Variants in IARS2 observed in about 807,000 individuals in gnomAD.
The protein encoded by IARS2 is isoleucine--tRNA ligase, mitochondrial.
IARS2 carries 56 observed loss-of-function variants against 126.3 expected under a neutral mutation model. That is an observed-to-expected ratio of 0.44 (90% CI 0.36 to 0.55). IARS2 has a LOEUF of 0.55. Among genes scored for constraint, IARS2 ranks in the 20% least tolerant of loss-of-function variants. The probability of loss-of-function intolerance (pLI) is 0.00; values close to 1 mark genes in which losing one functional copy is unlikely to be tolerated. For missense variants in IARS2, 1,127 were observed against 1,245.9 expected (o/e 0.90, Z 1.44); for synonymous variants, 407 against 441.1 (o/e 0.92, Z 0.97).
chr1:220,103,761 T>C (rs950596665), intron 8 of IARS2, among the ~76,000 whole-genome samples, 199 bp downstream of exon 8: 2 of 152,232 alleles, frequency 1.3e-5, no homozygotes, highest in African/African-American at 4.8e-5. Context: ...TATTGATAAA[T>C]GTACAACAGG....
chr1:220,101,069 T>C (rs965755472), intron 3 of IARS2, among the ~76,000 whole-genome samples: 1 of 152,178 alleles, frequency 6.6e-6, no homozygotes, highest in African/African-American at 2.4e-5. Flanking sequence ...GGATTCTCTT[T>C]TTCTTATATG....
chr1:220,110,528 G>A (rs1656778698), intron 10 of IARS2, among the ~76,000 whole-genome samples: 1 of 152,074 alleles, frequency 6.6e-6, no homozygotes, highest in Non-Finnish European at 1.5e-5. Context: ...ACCATGCCCG[G>A]CTGATTTTTG....
chr1:220,103,931 T>C (rs1483280215), intron 8 of IARS2, among the ~76,000 whole-genome samples: 1 of 152,256 alleles, frequency 6.6e-6, no homozygotes, highest in Non-Finnish European at 1.5e-5. Context: ...GAATAAGTTC[T>C]GAAAATTATT....
chr1:220,101,935 A>G (rs1399442085), intron 3 of IARS2, among the ~76,000 whole-genome samples, 194 bp from the exon 4 acceptor site: 1 of 152,158 alleles, frequency 6.6e-6, no homozygotes, highest in Admixed American at 6.6e-5. Context: ...CGGGAGGCAG[A>G]GGCTTGCAGT....
intron 10 of IARS2, among the ~76,000 whole-genome samples, chr1:220,108,237 T>C (rs1246021344): frequency 2.0e-5 from 3 of 151,918 alleles, no homozygotes; most frequent in Non-Finnish European, 4.4e-5. Context: ...AATTTTTGTA[T>C]TTTTAGTAGA....
rs200234111 is a variant in IARS2 at position 220,145,210 on chromosome 1, T to TA, written c.2752-297dup. On this transcript the variant is annotated intron_variant, in intron 21 of 22. Transcript: ENST00000366922. ...TGTTTCTTCATTTGTAAAGTGAGGATAATAAACACCATATAGGTTTTTTTT... is the reference window on the plus strand; with the variant it reads ...TGTTTCTTCATTTGTAAAGTGAGGATAAATAAACACCATATAGGTTTTTTTT... Among the ~76,000 whole-genome samples the TA allele has an allele frequency of 3.7e-4, 57 of 152,336 alleles. No individual in the cohort carries two copies. The East Asian group carries it at 0.011, about 28-fold the overall frequency.
chr1:220,134,336 C>A (rs1657325553), intron 14 of IARS2, 66 bp from the exon 15 acceptor site: 2 of 1,115,084 alleles, frequency 1.8e-6, no homozygotes, highest in African/African-American at 1.6e-5. Context: ...TAATAAGTAT[C>A]TTCTTTTTCT....
intron 2 of IARS2, among the ~76,000 whole-genome samples, chr1:220,098,305 C>T (rs1656491423): frequency 6.6e-6 from 1 of 152,204 alleles, no homozygotes; most frequent in Non-Finnish European, 1.5e-5. Flanking sequence ...CTTCCTCACA[C>T]ATGCTAATTA....
chr1:220,096,520 C>T lies in IARS2; in HGVS notation c.390+294C>T, dbSNP rs752010447. 5.9e-5 allele frequency among the ~76,000 whole-genome samples: 9 copies of T among 152,108 alleles called. 1 individual carries two copies. The highest frequency in any genetic ancestry group is 3.9e-4 in the Admixed American group (6 of 15,266). ...GGACAAAAAAAAGGTATGTCTTGGC[C>T]GGGCAGTATGGCTCATGCCTGTAAT... On this transcript the variant is annotated intron_variant, in intron 2 of 22. Transcript: ENST00000366922.
At chr1:220,095,621 T>C (rs944394973) in intron 1 of IARS2, among the ~76,000 whole-genome samples, 1 of 152,078 alleles carries the variant, frequency 6.6e-6, no homozygotes, top group African/African-American at 2.4e-5. Context: ...GGCCCGTAAG[T>C]GCACAGTAAC....
At chr1:220,129,686 T>G (rs1657220900) in intron 14 of IARS2, among the ~76,000 whole-genome samples, 1 of 152,216 alleles carries the variant, frequency 6.6e-6, no homozygotes, top group African/African-American at 2.4e-5. Context: ...TGACAGAATT[T>G]CATTCTTTTT....
At chr1:220,100,978 C>T (rs575215935) in intron 3 of IARS2, among the ~76,000 whole-genome samples, 1 of 152,108 alleles carries the variant, frequency 6.6e-6, no homozygotes, top group Non-Finnish European at 1.5e-5. Flanking sequence ...AGGTGTTAAG[C>T]CAAAATTCAA....
intron 8 of IARS2, among the ~76,000 whole-genome samples, chr1:220,105,504 A>T (rs1434523611): frequency 6.6e-6 from 1 of 152,158 alleles, no homozygotes; most frequent in African/African-American, 2.4e-5. Flanking sequence ...AAGTAGTAGG[A>T]ATGTTGAAGA....
intron 12 of IARS2, chr1:220,117,924 A>G (rs1656961045): frequency 1.9e-6 from 1 of 519,710 alleles, no homozygotes; most frequent in Non-Finnish European, 4.0e-6. Flanking sequence ...TTGTCTGTCA[A>G]TTCATAGGTC....
At chr1:220,140,642 G>A (rs1445634389) in intron 19 of IARS2, among the ~76,000 whole-genome samples, 1 of 151,606 alleles carries the variant, frequency 6.6e-6, no homozygotes, top group Non-Finnish European at 1.5e-5. Flanking sequence ...TTTGGCAACC[G>A]TCAGGGATAC....
rs1656670324 is a variant in IARS2, at chr1:220,105,934, TG to T, written c.1111del (p.Asp371IlefsTer12). ...NGTCSHPLIP[D>X]KASPLLPANH... The stretch of plus-strand genomic sequence containing the variant: ...GTACTTGCAGTCATCCATTAATTCC[TG>T]ATAAAGCCTCTCCTCTTTTACCTGC... On this transcript the variant is annotated frameshift_variant, in exon 9 of 23. Coordinates refer to ENST00000366922, the MANE Select transcript of IARS2 (RefSeq NM_018060.4). LOFTEE classifies it high-confidence loss of function. 6.2e-7 allele frequency: 1 copy of T among 1,614,050 alleles called. No individual in the cohort carries two copies. The highest frequency in any genetic ancestry group is 1.1e-5 in the South Asian group (1 of 91,088).
In IARS2 at chr1:220,100,506, C is replaced by T; in HGVS notation, c.407C>T (p.Ala136Val). Residue 136 changes from alanine (A) to valine (V), a missense_variant, in exon 3 of 23, where the codon GCC (alanine) becomes GTC (valine). Ala to Val is a moderately conservative substitution (Grantham distance 64, BLOSUM62 0). Transcript: ENST00000366922. ...HALNKILKDI[A>V]NRFHMMNGSK... is the part of the protein sequence containing the mutation. ...TCTTTGCAGATTTTGAAAGACATAG[C>T]CAATCGATTCCATATGATGAATGGC... 1 of 1,607,780 alleles carries T rather than the reference C, an allele frequency of 6.2e-7. No homozygotes were observed. Among genetic ancestry groups the T allele is most frequent in the Non-Finnish European group, 8.5e-7 (1 of 1,177,088 alleles).
intron 12 of IARS2, among the ~76,000 whole-genome samples, chr1:220,123,043 G>T (rs557025993): frequency 1.3e-4 from 19 of 150,578 alleles, no homozygotes; most frequent in African/African-American, 4.4e-4. Flanking sequence ...ATGTGTCCAT[G>T]TAAATGTACT....
chr1:220,120,082 C>CTT (rs1395868643), intron 12 of IARS2, among the ~76,000 whole-genome samples: 1 of 139,128 alleles, frequency 7.2e-6, no homozygotes, highest in African/African-American at 2.6e-5. Context: ...CTCTGTCACA[C>CTT]TTTTTTTTTT....
Sources: allele counts gnomAD v4.1 joint callset (sites outside exome capture counted in the v4.1 genomes callset), GRCh38; gene constraint gnomAD v4.1.1; transcripts MANE v1.5; gene names NCBI Gene and HGNC (gene_info 2026-07-23, HGNC 2026-07-21).